DEPTOR: variants seen among roughly 807,000 people sequenced by gnomAD.
DEPTOR encodes DEP domain-containing mTOR-interacting protein.
Under a neutral mutation model 41.6 loss-of-function variants are expected in DEPTOR, and 41 were observed. The ratio of observed to expected loss-of-function variants is 0.98; its 90% CI spans 0.77 to 1.28. DEPTOR has a LOEUF of 1.28. Ranked by LOEUF, DEPTOR falls within the 50% of genes most tolerant of loss-of-function variation. DEPTOR has a pLI of 0.00. For missense variants in DEPTOR, 514 were observed against 527.9 expected (o/e 0.97, Z 0.26); for synonymous variants, 195 against 192.3 (o/e 1.01, Z -0.12).
At chr8:119,996,547 T>C (rs996512482) in intron 4 of DEPTOR, among the ~76,000 whole-genome samples, 2 of 152,142 alleles carry the variant, frequency 1.3e-5, no homozygotes, top group Non-Finnish European at 2.9e-5. Flanking sequence ...GCCCTGTTGG[T>C]TATAGGTGGT....
At chr8:120,013,387 A>G (rs2130115374) in intron 8 of DEPTOR, among the ~76,000 whole-genome samples, 1 of 152,318 alleles carries the variant, frequency 6.6e-6, no homozygotes. Context: ...TACTGACTCA[A>G]TTATTTCCTA....
intron 8 of DEPTOR, among the ~76,000 whole-genome samples, chr8:120,013,993 A>G (rs1812572348): frequency 6.6e-6 from 1 of 151,956 alleles, no homozygotes; most frequent in African/African-American, 2.4e-5. Context: ...GCGTGCCACT[A>G]TGCCCAGCTA....
intron 3 of DEPTOR, among the ~76,000 whole-genome samples, chr8:119,961,674 T>C (rs1233666127): frequency 6.6e-6 from 1 of 152,184 alleles, no homozygotes; most frequent in Admixed American, 6.6e-5. Context: ...CACTGAAAGC[T>C]GCAGTTCCAT....
At chr8:119,987,790 A>G (rs1215728916) in intron 4 of DEPTOR, among the ~76,000 whole-genome samples, 4 of 152,086 alleles carry the variant, frequency 2.6e-5, no homozygotes, top group East Asian at 1.9e-4. Flanking sequence ...GCCCAGTTCA[A>G]ACTTGCTGGT....
At chr8:119,935,232 C>G (rs1471556557) in intron 3 of DEPTOR, among the ~76,000 whole-genome samples, 1 of 152,218 alleles carries the variant, frequency 6.6e-6, no homozygotes, top group African/African-American at 2.4e-5. Flanking sequence ...ACCCAAGACA[C>G]TCAACACATG....
chr8:120,035,784 G>A (rs905532683), intron 8 of DEPTOR, among the ~76,000 whole-genome samples: 9 of 152,246 alleles, frequency 5.9e-5, no homozygotes, highest in African/African-American at 9.6e-5. Context: ...CACCTGCCTC[G>A]GCCTCCCAAA....
At chr8:119,961,976 C>T (rs1281678014) in intron 3 of DEPTOR, among the ~76,000 whole-genome samples, 1 of 151,380 alleles carries the variant, frequency 6.6e-6, no homozygotes, top group Non-Finnish European at 1.5e-5. Flanking sequence ...TGTGGTAGCT[C>T]ACCCCTGTAA....
intron 1 of DEPTOR, among the ~76,000 whole-genome samples, chr8:119,926,761 C>G (rs1297360597): frequency 6.6e-6 from 1 of 152,140 alleles, no homozygotes; most frequent in Non-Finnish European, 1.5e-5. Flanking sequence ...ATTGCTATGT[C>G]CTTTCCTTAG....
At chr8:120,033,149 G>A (rs892076362) in intron 8 of DEPTOR, among the ~76,000 whole-genome samples, 1 of 140,414 alleles carries the variant, frequency 7.1e-6, no homozygotes, top group African/African-American at 2.7e-5. Context: ...GTGCAATGAT[G>A]TGATTTCAAC....
chr8:119,966,530 G>A (rs1828563934), intron 4 of DEPTOR, among the ~76,000 whole-genome samples: 1 of 152,186 alleles, frequency 6.6e-6, no homozygotes, highest in Non-Finnish European at 1.5e-5. Context: ...CGTCACCCAG[G>A]CTGGACTGCA....
chr8:119,943,400 A>G (rs1293280939), intron 3 of DEPTOR, among the ~76,000 whole-genome samples: 1 of 152,202 alleles, frequency 6.6e-6, no homozygotes, highest in Non-Finnish European at 1.5e-5. Context: ...ATCTTACATG[A>G]CAGCAGGTGA....
chr8:119,986,285 A>G (rs1480048443), intron 4 of DEPTOR, among the ~76,000 whole-genome samples: 2 of 152,074 alleles, frequency 1.3e-5, no homozygotes, highest in Non-Finnish European at 2.9e-5. Flanking sequence ...CTTCACTTAT[A>G]AGCGTAGTTT....
At chr8:119,925,873 C>A (rs528988229) in intron 1 of DEPTOR, among the ~76,000 whole-genome samples, 2 of 152,206 alleles carry the variant, frequency 1.3e-5, no homozygotes, top group African/African-American at 4.8e-5. Flanking sequence ...GATCCACCTG[C>A]CTTGGCCTCC....
intron 4 of DEPTOR, among the ~76,000 whole-genome samples, chr8:119,967,298 T>C (rs752570178): frequency 8.6e-5 from 13 of 150,480 alleles, no homozygotes; most frequent in Non-Finnish European, 1.8e-4. Flanking sequence ...CAGGCTGGTC[T>C]TACAGTCTTC....
intron 4 of DEPTOR, among the ~76,000 whole-genome samples, chr8:119,974,836 CA>C (rs1345545962): frequency 6.7e-6 from 1 of 149,778 alleles, no homozygotes; most frequent in Non-Finnish European, 1.5e-5. Context: ...TTCCCTGAAA[CA>C]AAGAAAAAAA....
intron 8 of DEPTOR, among the ~76,000 whole-genome samples, chr8:120,026,662 G>A (rs759943228): frequency 3.4e-4 from 51 of 152,006 alleles, no homozygotes; most frequent in Non-Finnish European, 6.6e-4. Context: ...AATTTTATAG[G>A]TAAGGAAAGT....
intron 8 of DEPTOR, among the ~76,000 whole-genome samples, chr8:120,048,535 A>T (rs1368824684): frequency 6.6e-6 from 1 of 152,226 alleles, no homozygotes; most frequent in Non-Finnish European, 1.5e-5. Context: ...AGAAACAGTA[A>T]TAGTGTGATC....
intron 8 of DEPTOR, among the ~76,000 whole-genome samples, chr8:120,034,732 G>C (rs77546195): frequency 0.051 from 7,728 of 152,110 alleles, 643 homozygotes; most frequent in African/African-American, 0.17. Flanking sequence ...TTACAGGCAT[G>C]AGTCACTGTG....
intron 3 of DEPTOR, among the ~76,000 whole-genome samples, chr8:119,933,285 T>A (rs112020351): frequency 6.6e-6 from 1 of 151,308 alleles, no homozygotes; most frequent in African/African-American, 2.4e-5. Context: ...AGGGCAGGAG[T>A]TCGAGACCAG....
Sources: gnomAD v4.1 joint callset for allele counts (sites outside exome capture counted in the v4.1 genomes callset) on GRCh38, gnomAD v4.1.1 for gene constraint, MANE v1.5 for transcripts, NCBI Gene and HGNC (gene_info 2026-07-23, HGNC 2026-07-21) for gene names.